The following GAB2 variants were observed in gnomAD, a reference collection of about 807,000 sequenced individuals.
GAB2 encodes the protein GRB2-associated-binding protein 2.
GAB2 carries 26 observed loss-of-function variants against 65.5 expected under a neutral mutation model. The ratio of observed to expected loss-of-function variants is 0.40; its 90% CI spans 0.29 to 0.55. The LOEUF (loss-of-function observed/expected upper bound fraction) is 0.55, where lower values mean the gene tolerates loss of function less well. Ranked by LOEUF, GAB2 falls within the 20% of genes least tolerant of loss-of-function variation. The pLI, the probability that GAB2 is intolerant of heterozygous loss-of-function variation, is 0.53. For missense variants in GAB2, 884 were observed against 875.8 expected (o/e 1.01, Z -0.12); for synonymous variants, 321 against 329.6 (o/e 0.97, Z 0.28).
At chr11:78,274,885 C>T (rs1866124065) in intron 2 of GAB2, among the ~76,000 whole-genome samples, 1 of 152,178 alleles carries the variant, frequency 6.6e-6, no homozygotes, top group Non-Finnish European at 1.5e-5. Flanking sequence ...AAACACAGCA[C>T]ATTATAATGC....
At chr11:78,295,019 C>A (rs971820308) in intron 1 of GAB2, among the ~76,000 whole-genome samples, 1 of 152,120 alleles carries the variant, frequency 6.6e-6, no homozygotes, top group Admixed American at 6.5e-5. Context: ...CCAGAATCTA[C>A]AATGAACTCA....
intron 1 of GAB2, among the ~76,000 whole-genome samples, chr11:78,331,803 C>T (rs1467305652): frequency 1.3e-5 from 2 of 152,130 alleles, no homozygotes; most frequent in African/African-American, 4.8e-5. Flanking sequence ...AACAGAGACA[C>T]AGATGGAAAA....
chr11:78,280,856 C>G lies in GAB2; in HGVS notation c.121G>C (p.Gly41Arg). 1 of 1,614,066 alleles carries G rather than the reference C, an allele frequency of 6.2e-7. No individual in the cohort carries two copies. The highest frequency in any genetic ancestry group is 1.7e-4 in the Middle Eastern group (1 of 6,056). Residue 41 changes from glycine to arginine, a missense_variant, in exon 2 of 10, where the codon GGT becomes CGT. Transcript: ENST00000361507. ...TAGTATTCCAGAACATCTGGGTCAC[C>G]GCTCATCCGGCCACTCCGCAGGATA... ...WFILRSGRMS[G>R]DPDVLEYYKN...
intron 3 of GAB2, among the ~76,000 whole-genome samples, chr11:78,241,061 C>G (rs1229410658): frequency 6.6e-6 from 1 of 152,232 alleles, no homozygotes; most frequent in African/African-American, 2.4e-5. Context: ...CTGACTGAGT[C>G]TCCTCATTTG....
rs555296557 is a variant in GAB2, at chr11:78,371,247, A to G, written c.75+46399T>C. 5.9e-5 allele frequency among the ~76,000 whole-genome samples: 9 copies of G among 152,348 alleles called. No individual in the cohort carries two copies. The South Asian group carries it at 1.9e-3, about 32-fold the overall frequency. ...GTATTTAAAAAACATACATTAGGAA[A>G]AACCTATACTTAGTCTATACTCAGT... On this transcript the variant is annotated intron_variant, in intron 1 of 9. Transcript: ENST00000361507.
Position 78,218,548 on chromosome 11 carries a change from G to C in GAB2, c.*724C>G, listed in dbSNP as rs1192780374. On this transcript the variant is annotated 3_prime_UTR_variant, in exon 10 of 10. Coordinates refer to ENST00000361507, the MANE Select transcript of GAB2 (RefSeq NM_080491.3). ...CAAGCCCTGCTCCTTGCTGCTCTAG[G>C]TTGGCCATCAGTTTTCCCTTCCTTT... is the stretch of plus-strand genomic sequence containing the variant. 1 of 153,088 alleles carries C rather than the reference G, an allele frequency of 6.5e-6. No individual in the cohort carries two copies. The highest frequency in any genetic ancestry group is 1.5e-5 in the Non-Finnish European group (1 of 68,684). 9.5% of individuals were successfully genotyped at this position (153,088 alleles called of 1,614,324 possible).
chr11:78,284,753 A>C (rs1451183217), intron 1 of GAB2, among the ~76,000 whole-genome samples: 1 of 151,820 alleles, frequency 6.6e-6, no homozygotes, highest in Non-Finnish European at 1.5e-5. Flanking sequence ...AAAAGATATC[A>C]ATTTTTATGA....
chr11:78,276,857 G>A (rs575879730), intron 2 of GAB2, among the ~76,000 whole-genome samples: 11 of 151,656 alleles, frequency 7.3e-5, no homozygotes, highest in South Asian at 2.1e-4. Context: ...TCGTTCTGTC[G>A]CCCAGGCTGC....
intron 1 of GAB2, among the ~76,000 whole-genome samples, chr11:78,283,999 T>C (rs970478116): frequency 2.0e-5 from 3 of 152,108 alleles, no homozygotes; most frequent in African/African-American, 4.8e-5. Context: ...GAGTTGTATA[T>C]CCAACTCCTC....
intron 1 of GAB2, among the ~76,000 whole-genome samples, chr11:78,311,016 T>G (rs1257679882): frequency 6.6e-6 from 1 of 152,178 alleles, no homozygotes; most frequent in African/African-American, 2.4e-5. Flanking sequence ...AAATTAGCAA[T>G]TTACTTTCAA....
chr11:78,258,006 G>A, intron 2 of GAB2, among the ~76,000 whole-genome samples: 1 of 152,174 alleles, frequency 6.6e-6, no homozygotes, highest in Admixed American at 6.5e-5. Context: ...GGGAAGGAAA[G>A]TTAAAATATG....
At chr11:78,389,435 T>TC (rs1856806782) in intron 1 of GAB2, among the ~76,000 whole-genome samples, 1 of 152,082 alleles carries the variant, frequency 6.6e-6, no homozygotes, top group Non-Finnish European at 1.5e-5. Flanking sequence ...GCCTCCCAAG[T>TC]AGCTGGGATT....
At chr11:78,219,532 G>T in intron 9 of GAB2, 117 bp from the exon 10 acceptor site, 1 of 898,872 alleles carries the variant, frequency 1.1e-6, no homozygotes, top group Non-Finnish European at 1.8e-6. Flanking sequence ...CATGGCCTCT[G>T]CCTGCCACTG....
At chr11:78,345,253 T>G (rs1856162371) in intron 1 of GAB2, among the ~76,000 whole-genome samples, 1 of 152,160 alleles carries the variant, frequency 6.6e-6, no homozygotes, top group South Asian at 2.1e-4. Context: ...GACTCCAGCC[T>G]GAGCAATGGG....
chr11:78,247,113 C>A (rs985222583), intron 3 of GAB2, among the ~76,000 whole-genome samples: 4 of 152,210 alleles, frequency 2.6e-5, no homozygotes, highest in Non-Finnish European at 4.4e-5. Flanking sequence ...GCCATTTGCA[C>A]TGTGCTACTT....
At chr11:78,288,396 A>AAGAAG (rs1444564277) in intron 1 of GAB2, among the ~76,000 whole-genome samples, 1 of 149,780 alleles carries the variant, frequency 6.7e-6, no homozygotes, top group African/African-American at 2.5e-5. Context: ...AAAAAAAAAA[A>AAGAAG]AAGAAGAAGA....
chr11:78,322,116 C>T (rs1565158917), intron 1 of GAB2, among the ~76,000 whole-genome samples: 1 of 151,564 alleles, frequency 6.6e-6, no homozygotes, highest in East Asian at 1.9e-4. Context: ...ACCAGCCTGG[C>T]CAACATGGCG....
intron 1 of GAB2, among the ~76,000 whole-genome samples, chr11:78,305,251 A>C (rs140769439): frequency 4.6e-5 from 7 of 152,392 alleles, no homozygotes; most frequent in Admixed American, 4.6e-4. Flanking sequence ...CAGAGCTGGG[A>C]CAAAAACTCT....
intron 8 of GAB2, 108 bp from the exon 9 acceptor site, chr11:78,220,552 G>A: frequency 1.1e-6 from 1 of 888,020 alleles, no homozygotes; most frequent in East Asian, 2.6e-5. Flanking sequence ...GCCCTACTCT[G>A]ACACATGCAC....
Sources: gnomAD v4.1 joint callset for allele counts (sites outside exome capture counted in the v4.1 genomes callset) on GRCh38, gnomAD v4.1.1 for gene constraint, MANE v1.5 for transcripts, NCBI Gene and HGNC (gene_info 2026-07-23, HGNC 2026-07-21) for gene names.